KCNB2: variants seen among roughly 807,000 people sequenced by gnomAD.
The protein encoded by KCNB2 is delayed rectifier potassium channel protein.
Under a neutral mutation model 61.5 loss-of-function variants are expected in KCNB2, and 15 were observed. That is an observed-to-expected ratio of 0.24 (90% confidence interval 0.16 to 0.38). The LOEUF (loss-of-function observed/expected upper bound fraction) is 0.38. Among genes scored for constraint, KCNB2 ranks in the 10% least tolerant of loss-of-function variants. The pLI is 1.00. For missense variants in KCNB2, 828 were observed against 1,125.2 expected (o/e 0.74, Z 3.78); for synonymous variants, 457 against 446.0 (o/e 1.02, Z -0.31).
chr8:72,579,352 G>A, intron 2 of KCNB2, among the ~76,000 whole-genome samples: 1 of 152,108 alleles, frequency 6.6e-6, no homozygotes, highest in Non-Finnish European at 1.5e-5. Flanking sequence ...TCACAAAATT[G>A]AATATTGTAA....
intron 2 of KCNB2, among the ~76,000 whole-genome samples, chr8:72,716,014 T>A (rs1807431851): frequency 6.6e-6 from 1 of 152,108 alleles, no homozygotes; most frequent in African/African-American, 2.4e-5. Context: ...CAAACTACCA[T>A]CAGAGAATAC....
At chr8:72,692,124 T>C (rs941701923) in intron 2 of KCNB2, among the ~76,000 whole-genome samples, 18 of 150,058 alleles carry the variant, frequency 1.2e-4, no homozygotes, top group Non-Finnish European at 2.5e-4. Flanking sequence ...TAGTCCCAAC[T>C]ACTCGGGAGG....
chr8:72,667,004 TGTGA>T lies in KCNB2; in HGVS notation c.579+98693_579+98696del, dbSNP rs1258558545. ...ACATAAGTGTGTGTGTGTGTGTGTG[TGTGA>T]GAGAGAGAGAGTGACAGAGAGGGAT... On this transcript the variant is annotated intron_variant, in intron 2 of 2. Transcript: ENST00000523207. Among the ~76,000 whole-genome samples the T allele has an allele frequency of 3.7e-3, 449 of 120,824 alleles. 5 individuals carry two copies. Among genetic ancestry groups the T allele is most frequent in the African/African-American group, 0.021 (422 of 20,042 alleles). 79.3% of individuals were successfully genotyped at this position (120,824 alleles called of 152,430 possible).
Position 72,845,790 on chromosome 8 carries a change from C to G in KCNB2, c.580-90145C>G, listed in dbSNP as rs990274992. 2.8e-4 allele frequency among the ~76,000 whole-genome samples: 43 copies of G among 152,306 alleles called. No individual in the cohort carries two copies. In the East Asian group the frequency reaches 4.1e-3, roughly 14 times the overall value. ...CAGTAATGGCAGATGCCCCTCCCCC[C>G]CATCAAACTCCAGCATCCCAGGTAG... On this transcript the variant is annotated intron_variant, in intron 2 of 2. Transcript: ENST00000523207.
At chr8:72,549,402 C>G (rs934949858) in intron 1 of KCNB2, among the ~76,000 whole-genome samples, 1 of 152,258 alleles carries the variant, frequency 6.6e-6, no homozygotes, top group East Asian at 1.9e-4. Context: ...ATGAAGAGTG[C>G]GAGAGCACAG....
intron 2 of KCNB2, among the ~76,000 whole-genome samples, chr8:72,606,967 G>A (rs1805461174): frequency 6.6e-6 from 1 of 152,158 alleles, no homozygotes; most frequent in Non-Finnish European, 1.5e-5. Context: ...TCAGTGTTGA[G>A]GACTGAAGTC....
chr8:72,586,998 A>G (rs1195859468), intron 2 of KCNB2, among the ~76,000 whole-genome samples: 1 of 152,234 alleles, frequency 6.6e-6, no homozygotes, highest in East Asian at 1.9e-4. Flanking sequence ...TTATTAAAAT[A>G]CGGCCTATTG....
intron 2 of KCNB2, among the ~76,000 whole-genome samples, chr8:72,661,958 A>G (rs1370513728): frequency 6.6e-6 from 1 of 152,130 alleles, no homozygotes. Flanking sequence ...TTTGTTGTAG[A>G]GTCTGGCTTC....
At chr8:72,926,091 G>T (rs181887979) in intron 2 of KCNB2, among the ~76,000 whole-genome samples, 262 of 152,280 alleles carry the variant, frequency 1.7e-3, no homozygotes, top group African/African-American at 5.3e-3. Flanking sequence ...CCTGGGGCCT[G>T]TCAGGGCTGG....
intron 1 of KCNB2, among the ~76,000 whole-genome samples, chr8:72,552,992 T>C (rs1158012057): frequency 6.6e-6 from 1 of 152,126 alleles, no homozygotes; most frequent in African/African-American, 2.4e-5. Flanking sequence ...TCCTTTTCTT[T>C]TGCACGTTCA....
At chr8:72,907,143 G>T (rs1267651536) in intron 2 of KCNB2, among the ~76,000 whole-genome samples, 8 of 152,140 alleles carry the variant, frequency 5.3e-5, no homozygotes, top group African/African-American at 1.7e-4. Context: ...TGGATCACGA[G>T]GTCAAGAGAT....
At chr8:72,561,437 A>T (rs1806509232) in intron 1 of KCNB2, among the ~76,000 whole-genome samples, 1 of 151,196 alleles carries the variant, frequency 6.6e-6, no homozygotes. Flanking sequence ...TTTTTTTTTT[A>T]AACTAAGGAG....
At chr8:72,766,573 A>C (rs1808462867) in intron 2 of KCNB2, among the ~76,000 whole-genome samples, 1 of 152,184 alleles carries the variant, frequency 6.6e-6, no homozygotes, top group South Asian at 2.1e-4. Flanking sequence ...ACTTTTTCTA[A>C]GAGCACTTTC....
intron 2 of KCNB2, among the ~76,000 whole-genome samples, chr8:72,669,366 T>G (rs1160862340): frequency 6.6e-6 from 1 of 152,250 alleles, no homozygotes. Context: ...TATGACATTT[T>G]GTTTTGAATT....
rs945362778 is a variant in KCNB2, at chr8:72,591,264, C to T, written c.579+22951C>T. ...TTAAGGCGCTGCGTAGCTTCAAATC[C>T]GATGACTCAAATAAGCACAGATTTC... On this transcript the variant is annotated intron_variant, in intron 2 of 2. Coordinates refer to ENST00000523207, the MANE Select transcript of KCNB2 (RefSeq NM_004770.3). Among the ~76,000 whole-genome samples, 9 of 152,074 alleles carry T rather than the reference C, an allele frequency of 5.9e-5. No homozygotes were observed. In the East Asian group the frequency reaches 7.7e-4, roughly 13 times the overall value.
chr8:72,596,099 C>A (rs764080735), intron 2 of KCNB2, among the ~76,000 whole-genome samples: 15 of 152,086 alleles, frequency 9.9e-5, no homozygotes, highest in Non-Finnish European at 1.5e-4. Flanking sequence ...GTTCATGTAA[C>A]CTTCACAGCA....
At chr8:72,651,528 C>T (rs1806210400) in intron 2 of KCNB2, among the ~76,000 whole-genome samples, 1 of 151,960 alleles carries the variant, frequency 6.6e-6, no homozygotes, top group African/African-American at 2.4e-5. Flanking sequence ...GACTTTTTGC[C>T]CCCCAAAGTC....
intron 2 of KCNB2, among the ~76,000 whole-genome samples, chr8:72,709,187 A>AT (rs943455428): frequency 5.9e-5 from 9 of 152,196 alleles, no homozygotes; most frequent in Non-Finnish European, 1.2e-4. Flanking sequence ...CAGAAATAAG[A>AT]TTTTTTCTTC....
intron 2 of KCNB2, among the ~76,000 whole-genome samples, chr8:72,614,529 G>T (rs1805589192): frequency 6.6e-6 from 1 of 152,194 alleles, no homozygotes; most frequent in African/African-American, 2.4e-5. Flanking sequence ...ACAGTGAAAT[G>T]GGGGATTGAG....
Sources: gnomAD v4.1 joint callset for allele counts (sites outside exome capture counted in the v4.1 genomes callset) on GRCh38, gnomAD v4.1.1 for gene constraint, MANE v1.5 for transcripts, NCBI Gene and HGNC (gene_info 2026-07-23, HGNC 2026-07-21) for gene names.